BTLA: variants seen among roughly 807,000 people sequenced by gnomAD.
The protein encoded by BTLA is B- and T-lymphocyte attenuator.
BTLA carries 11 observed loss-of-function variants against 25.0 expected under a neutral mutation model. The ratio of observed to expected loss-of-function variants is 0.44; its 90% CI spans 0.28 to 0.73. BTLA has a LOEUF of 0.73. Ranked by LOEUF, BTLA falls within the 30% of genes least tolerant of loss-of-function variation. BTLA has a pLI of 0.15. For missense variants in BTLA, 282 were observed against 332.8 expected, an observed-to-expected ratio of 0.85 and a Z score of 1.19; for synonymous variants, 104 against 119.8, an observed-to-expected ratio of 0.87 and a Z score of 0.86.
At chr3:112,471,159 T>G in intron 3 of BTLA, 53 bp downstream of exon 3, 1 of 1,554,576 alleles carries the variant, frequency 6.4e-7, no homozygotes, top group East Asian at 2.3e-5. Context: ...GCCCCAGAAA[T>G]AAGAATGGCC....
At chr3:112,481,475 C>G (rs559316952) in intron 1 of BTLA, among the ~76,000 whole-genome samples, 1 of 152,334 alleles carries the variant, frequency 6.6e-6, no homozygotes, top group East Asian at 1.9e-4. Flanking sequence ...ATGGCTGGAG[C>G]AGCTAAGGAG....
chr3:112,467,021 G>T (rs2082232438), intron 4 of BTLA, among the ~76,000 whole-genome samples: 1 of 150,918 alleles, frequency 6.6e-6, no homozygotes, highest in Non-Finnish European at 1.5e-5. Context: ...GCAGTGGTGC[G>T]ATCTCGGCTC....
chr3:112,476,558 CTTTTGAAA>C (rs1313783572), intron 2 of BTLA, among the ~76,000 whole-genome samples: 1 of 152,192 alleles, frequency 6.6e-6, no homozygotes, highest in African/African-American at 2.4e-5. Flanking sequence ...CAATAACCCT[CTTTTGAAA>C]TTTCTCCTTC....
chr3:112,466,017 T>A lies in BTLA; in HGVS notation c.*91A>T. The A allele has an allele frequency of 7.4e-7, 1 of 1,356,836 alleles. No homozygotes were observed. 84.0% of individuals were successfully genotyped at this position (1,356,836 alleles called of 1,614,324 possible). On this transcript the variant is annotated 3_prime_UTR_variant, in exon 5 of 5. Coordinates refer to ENST00000334529, the MANE Select transcript of BTLA (RefSeq NM_181780.4). ...CATTTCTAAAGTAAAAATTCTCAAA[T>A]TGAGAAATATTATTTGACATCCTGT...
chr3:112,489,858 G>T (rs537974804), intron 1 of BTLA, among the ~76,000 whole-genome samples: 1 of 152,328 alleles, frequency 6.6e-6, no homozygotes, highest in East Asian at 1.9e-4. Flanking sequence ...TGGTAGAGAG[G>T]AGGGGAGAGA....
chr3:112,473,970 G>A (rs1375001440), intron 2 of BTLA, among the ~76,000 whole-genome samples: 1 of 152,046 alleles, frequency 6.6e-6, no homozygotes, highest in Non-Finnish European at 1.5e-5. Context: ...AGGGTGAAGT[G>A]GCAGGCCAAT....
At position 112,464,613 on chromosome 3, in the gene BTLA, A is replaced by G; in HGVS notation, c.*1495T>C. 6.4e-6 allele frequency: 1 copy of G among 155,436 alleles called. No homozygotes were observed. The highest frequency in any genetic ancestry group is 1.4e-5 in the Non-Finnish European group (1 of 70,256). The allele number at this position is 155,436 out of a possible 1,614,324, so 9.6% of individuals were successfully genotyped here. A position where few individuals can be genotyped will look rare whatever the true frequency, so the allele number is the denominator to read the frequency against. On this transcript the variant is annotated 3_prime_UTR_variant, in exon 5 of 5. Transcript: ENST00000334529. The stretch of plus-strand genomic sequence containing the variant: ...TGTTACTTAAGAAAATCTCTCCACC[A>G]CAAAACCTCAGTTTTGTCTTTTTGT...
chr3:112,469,116 A>G (rs1235532886), intron 4 of BTLA, among the ~76,000 whole-genome samples: 2 of 152,126 alleles, frequency 1.3e-5, no homozygotes, highest in Non-Finnish European at 2.9e-5. Flanking sequence ...TTTAGTTCTA[A>G]TATCTCCACA....
intron 1 of BTLA, among the ~76,000 whole-genome samples, chr3:112,480,275 A>G (rs1041719778): frequency 1.1e-4 from 16 of 152,088 alleles, no homozygotes; most frequent in Admixed American, 6.5e-4. Flanking sequence ...CCCAAAACCT[A>G]TAAGTACTAA....
chr3:112,480,328 G>A (rs2082311347), intron 1 of BTLA, among the ~76,000 whole-genome samples: 2 of 152,160 alleles, frequency 1.3e-5, no homozygotes, highest in African/African-American at 4.8e-5. Context: ...TTTGGACTCA[G>A]CCCGCCTGCA....
chr3:112,474,891 G>A (rs112347337), intron 2 of BTLA, among the ~76,000 whole-genome samples: 1 of 152,172 alleles, frequency 6.6e-6, no homozygotes, highest in African/African-American at 2.4e-5. Context: ...GAAAGGTGGT[G>A]GGATCAAACT....
rs2082224543 is a variant in BTLA at position 112,466,105 on chromosome 3, GACTTA to G, written c.868_*2del. On this transcript the variant is annotated stop_lost and 3_prime_UTR_variant, in exon 5 of 5. Transcript: ENST00000334529. ...ATGGTCCCTGTTGGAGTCAGAAACA[GACTTA>G]ACTCCTCACACATATGGATGCATAT... 6.3e-7 allele frequency: 1 copy of G among 1,582,778 alleles called. No homozygotes were observed. Among genetic ancestry groups the G allele is most frequent in the Non-Finnish European group, 8.6e-7 (1 of 1,157,222 alleles).
At chr3:112,471,401 T>C (rs1241966310) in intron 2 of BTLA, 46 bp from the exon 3 acceptor site, 2 of 1,594,998 alleles carry the variant, frequency 1.3e-6, no homozygotes, top group Middle Eastern at 1.7e-4. Context: ...ATCTGAGATA[T>C]ATTGGGATCA....
At chr3:112,494,521 T>C (rs1364263470) in intron 1 of BTLA, among the ~76,000 whole-genome samples, 1 of 152,076 alleles carries the variant, frequency 6.6e-6, no homozygotes, top group African/African-American at 2.4e-5. Context: ...CCATCAATGA[T>C]AGACTGGAAA....
intron 1 of BTLA, among the ~76,000 whole-genome samples, chr3:112,498,113 G>A (rs1224635210): frequency 2.0e-5 from 3 of 152,074 alleles, no homozygotes; most frequent in Non-Finnish European, 2.9e-5. Flanking sequence ...TACTTCTTGC[G>A]AAAATGCTCA....
In BTLA at chr3:112,499,439, G is replaced by T; in HGVS notation, c.-81C>A. ...TTCTGAGTGCTGCAGAGTTGGGTCA[G>T]TTTACCTACCCCAGTGGCATCTGTG... On this transcript the variant is annotated 5_prime_UTR_variant, in exon 1 of 5. It adds an upstream start codon to the 5' untranslated region. Transcript: ENST00000334529. 22 of 974,330 alleles carry T rather than the reference G, an allele frequency of 2.3e-5. No homozygotes were observed. Among genetic ancestry groups the T allele is most frequent in the Non-Finnish European group, 2.8e-5 (19 of 667,600 alleles). 60.4% of individuals were successfully genotyped at this position (974,330 alleles called of 1,614,324 possible).
chr3:112,475,661 C>A (rs1370579340), intron 2 of BTLA, among the ~76,000 whole-genome samples: 2 of 152,156 alleles, frequency 1.3e-5, no homozygotes, highest in Non-Finnish European at 2.9e-5. Context: ...TTTCATCTGA[C>A]CTTGGCTAAA....
chr3:112,487,339 C>T (rs2082353906), intron 1 of BTLA, among the ~76,000 whole-genome samples: 2 of 152,172 alleles, frequency 1.3e-5, no homozygotes, highest in South Asian at 2.1e-4. Flanking sequence ...AATCCCAGCA[C>T]TTTGGGAGGC....
rs754296727 is a variant in BTLA at position 112,479,755 on chromosome 3, C to T, written c.103G>A (p.Asp35Asn). The T allele has an allele frequency of 6.3e-7, 1 of 1,589,872 alleles. No individual in the cohort carries two copies. Among genetic ancestry groups the T allele is most frequent in the Non-Finnish European group, 8.6e-7 (1 of 1,167,968 alleles). Residue 35 changes from aspartate to asparagine, a missense_variant, in exon 2 of 5, where the codon GAT becomes AAT. By Grantham distance (23) the Asp-to-Asn change is conservative. Coordinates refer to ENST00000334529, the MANE Select transcript of BTLA (RefSeq NM_181780.4). Reference protein sequence around the residue: ...IWNIHGKESCDVQLYIKRQSE... With the variant: ...IWNIHGKESCNVQLYIKRQSE... ...TGTCTCTTTATATAAAGCTGTACAT[C>T]ACATGATTCTTTCCCTAAAAGATAA...
Sources: allele counts gnomAD v4.1 joint callset (sites outside exome capture counted in the v4.1 genomes callset), GRCh38; gene constraint gnomAD v4.1.1; transcripts MANE v1.5; gene names NCBI Gene and HGNC (gene_info 2026-07-23, HGNC 2026-07-21).